GALNT16: variants seen among roughly 807,000 people sequenced by gnomAD.
The protein encoded by GALNT16 is polypeptide N-acetylgalactosaminyltransferase 16, also known as UDP-GalNAc:polypeptide N-acetylgalactosaminyltransferase-like protein 1.
In GALNT16, 40 loss-of-function variants were observed where a neutral mutation model predicts 76.1. The observed-to-expected ratio is 0.53, with a 90% CI of 0.41 to 0.68. GALNT16 has a LOEUF of 0.68. Ranked by LOEUF, GALNT16 falls within the 30% of genes least tolerant of loss-of-function variation. GALNT16 has a pLI of 0.00. For synonymous variants in GALNT16, 276 were observed against 285.2 expected (o/e 0.97, Z 0.32); for missense variants, 621 against 731.9 (o/e 0.85, Z 1.75).
chr14:69,269,569 AGTGT>A (rs764201692), intron 1 of GALNT16, among the ~76,000 whole-genome samples: 1 of 132,936 alleles, frequency 7.5e-6, no homozygotes, highest in South Asian at 2.4e-4. Context: ...GTGTGTATAT[AGTGT>A]GTGTGTGTGA....
At chr14:69,370,721 T>G in the GALNT16 span, among the ~76,000 whole-genome samples, 1 of 152,138 alleles carries the variant, frequency 6.6e-6, no homozygotes, top group African/African-American at 2.4e-5. Flanking sequence ...CAGTATACAC[T>G]CTAAAAGAGA....
intron 1 of GALNT16, among the ~76,000 whole-genome samples, chr14:69,305,345 TAG>T (rs1293952007): frequency 6.6e-6 from 1 of 152,064 alleles, no homozygotes; most frequent in Non-Finnish European, 1.5e-5. Context: ...GTATTTTGTG[TAG>T]AGACAGGGTT....
chr14:69,375,802 G>T, the GALNT16 span, among the ~76,000 whole-genome samples: 1 of 152,246 alleles, frequency 6.6e-6, no homozygotes, highest in African/African-American at 2.4e-5. Flanking sequence ...TCTGGCTAAT[G>T]TTTAAATTTT....
chr14:69,260,093 T>G, upstream of GALNT16: 66 of 487,282 alleles, frequency 1.4e-4, no homozygotes, highest in East Asian at 4.1e-4. Flanking sequence ...CTGAAGGGCA[T>G]TAGGACCGTG....
chr14:69,265,911 T>C (rs532763152), intron 1 of GALNT16, among the ~76,000 whole-genome samples: 2 of 152,228 alleles, frequency 1.3e-5, no homozygotes, highest in East Asian at 1.9e-4. Flanking sequence ...TACTCTGTTA[T>C]GTTGATGGTG....
chr14:69,260,063 G>T, upstream of GALNT16: 1 of 495,480 alleles, frequency 2.0e-6, no homozygotes. Context: ...TGGGCGCCCG[G>T]GGGACGCGCG....
upstream of GALNT16, chr14:69,259,994 G>A (rs2044237945): frequency 3.1e-6 from 1 of 324,698 alleles, no homozygotes; most frequent in Non-Finnish European, 5.7e-6. Flanking sequence ...AGTGCGCAGT[G>A]GCCTGGTGGG....
At chr14:69,320,655 C>A in intron 1 of GALNT16, 56 bp from the exon 2 acceptor site, 1 of 1,552,128 alleles carries the variant, frequency 6.4e-7, no homozygotes, top group Non-Finnish European at 8.8e-7. Flanking sequence ...TGAGCACTCG[C>A]CAAGCAGTGG....
the GALNT16 span, among the ~76,000 whole-genome samples, chr14:69,363,355 G>A: frequency 2.6e-5 from 4 of 152,122 alleles, no homozygotes; most frequent in South Asian, 2.1e-4. Flanking sequence ...CCCAGGATTC[G>A]GTCTGCCCAG....
chr14:69,326,082 C>A, intron 5 of GALNT16, 55 bp downstream of exon 5: 1 of 1,278,212 alleles, frequency 7.8e-7, no homozygotes, highest in Non-Finnish European at 1.1e-6. Flanking sequence ...TCATCCTGTG[C>A]ACTTCCCCAC....
In GALNT16 at chr14:69,352,241, C is replaced by A; in HGVS notation, c.*73C>A. On this transcript the variant is annotated 3_prime_UTR_variant, in exon 15 of 15. Transcript: ENST00000448469. ...GGAAGGGGGTTAGGGTGGGGGAGTGCAAAGTGGGCTGTTCCCATCTCCTCA... is the reference window on the plus strand; with the variant it reads ...GGAAGGGGGTTAGGGTGGGGGAGTGAAAAGTGGGCTGTTCCCATCTCCTCA... 1 of 1,320,230 alleles carries A rather than the reference C, an allele frequency of 7.6e-7. No individual in the cohort carries two copies. The highest frequency in any genetic ancestry group is 1.0e-6 in the Non-Finnish European group (1 of 966,474). The allele number at this position is 1,320,230 out of a possible 1,614,324, so 81.8% of individuals were successfully genotyped here.
chr14:69,344,144 G>A (rs183384055), intron 12 of GALNT16, among the ~76,000 whole-genome samples: 6 of 152,300 alleles, frequency 3.9e-5, no homozygotes, highest in Admixed American at 1.3e-4. Context: ...TGGGGAGACC[G>A]AGGAGGCTGA....
the GALNT16 span, among the ~76,000 whole-genome samples, chr14:69,364,621 T>C: frequency 6.6e-6 from 1 of 152,244 alleles, no homozygotes; most frequent in African/African-American, 2.4e-5. The surrounding 1 kb of genome is among the most constrained non-coding windows in gnomAD (Gnocchi z 4.2). Flanking sequence ...GCTCAGGATA[T>C]AGGAGTCTGT....
the GALNT16 span, among the ~76,000 whole-genome samples, chr14:69,380,947 T>C: frequency 6.6e-6 from 1 of 152,226 alleles, no homozygotes; most frequent in Non-Finnish European, 1.5e-5. Context: ...TCCTCCTACA[T>C]AGTTTCTATT....
In GALNT16 at chr14:69,354,229, C is replaced by A. The variant is rs2296724; in HGVS notation, c.*2061C>A. 67,776 of 153,160 alleles carry A rather than the reference C, an allele frequency of 0.44. 15,230 individuals are homozygous for A. Among genetic ancestry groups the A allele is most frequent in the Middle Eastern group, 0.6 (175 of 292 alleles). 9.5% of individuals were successfully genotyped at this position (153,160 alleles called of 1,614,324 possible). A position where few individuals can be genotyped will look rare whatever the true frequency, so the allele number is the denominator to read the frequency against. ...GCATGGACCTTTGGGGCTGGGGAGC[C>A]GGGGCTGCGCCTGTTGAATGTAAGA... is the stretch of plus-strand genomic sequence containing the variant. On this transcript the variant is annotated 3_prime_UTR_variant, in exon 15 of 15. Coordinates refer to ENST00000448469, the MANE Select transcript of GALNT16 (RefSeq NM_001168368.2).
At chr14:69,375,013 C>A in the GALNT16 span, among the ~76,000 whole-genome samples, 1 of 152,320 alleles carries the variant, frequency 6.6e-6, no homozygotes, top group South Asian at 2.1e-4. Flanking sequence ...GCCTTACTTC[C>A]AACACTGTTG....
At chr14:69,287,516 TC>T (rs1276457487) in intron 1 of GALNT16, among the ~76,000 whole-genome samples, 1 of 152,190 alleles carries the variant, frequency 6.6e-6, no homozygotes, top group Non-Finnish European at 1.5e-5. Flanking sequence ...CTACAACTGC[TC>T]CCGTAGCCTG....
At chr14:69,338,905 G>T (rs554971734) in intron 10 of GALNT16, 128 bp downstream of exon 10, 2 of 701,832 alleles carry the variant, frequency 2.8e-6, no homozygotes, top group South Asian at 2.0e-5. Context: ...TTCCCCATTT[G>T]CCCCCTCTGG....
At chr14:69,347,819 C>T in intron 13 of GALNT16, 58 bp from the exon 14 acceptor site, 1 of 1,588,750 alleles carries the variant, frequency 6.3e-7, no homozygotes, top group Admixed American at 1.7e-5. Flanking sequence ...CCTATCTACC[C>T]ATCTCTCCAC....
Sources: allele counts gnomAD v4.1 joint callset (sites outside exome capture counted in the v4.1 genomes callset), GRCh38; gene constraint gnomAD v4.1.1; non-coding constraint Gnocchi (gnomAD v3.1); transcripts MANE v1.5; gene names NCBI Gene and HGNC (gene_info 2026-07-23, HGNC 2026-07-21).